The following SRPK2 variants were observed in gnomAD, a reference collection of about 807,000 sequenced individuals.
SRPK2 encodes the protein SFRS protein kinase 2.
In SRPK2, 21 loss-of-function variants were observed where a neutral mutation model predicts 90.8. The observed-to-expected ratio is 0.23, with a 90% CI of 0.16 to 0.33. The LOEUF is 0.33. SRPK2 is among the 10% of genes least tolerant of loss of function. SRPK2 has a pLI of 1.00. For synonymous variants in SRPK2, 288 were observed against 311.1 expected (o/e 0.93, Z 0.78); for missense variants, 620 against 869.0 (o/e 0.71, Z 3.60).
At chr7:105,340,355 T>G (rs1335575985) in intron 2 of SRPK2, among the ~76,000 whole-genome samples, 1 of 151,776 alleles carries the variant, frequency 6.6e-6, no homozygotes, top group East Asian at 1.9e-4. Context: ...GACATATAAA[T>G]TATGGTTATG....
At chr7:105,236,460 T>A (rs1323403665) in intron 2 of SRPK2, among the ~76,000 whole-genome samples, 5 of 152,128 alleles carry the variant, frequency 3.3e-5, no homozygotes, top group Admixed American at 3.3e-4. Context: ...AAATTATCAC[T>A]TACAGGCAGC....
chr7:105,294,660 G>T (rs564232858), intron 2 of SRPK2, among the ~76,000 whole-genome samples: 1 of 152,064 alleles, frequency 6.6e-6, no homozygotes, highest in East Asian at 1.9e-4. Flanking sequence ...CAAGCAGCTG[G>T]GATTATAGAC....
chr7:105,205,325 A>T (rs1048975533), intron 2 of SRPK2, among the ~76,000 whole-genome samples: 4 of 152,218 alleles, frequency 2.6e-5, no homozygotes, highest in African/African-American at 9.7e-5. Context: ...TATCTTTAGC[A>T]GGACAACTAA....
chr7:105,234,594 T>C (rs1246618936), intron 2 of SRPK2, among the ~76,000 whole-genome samples: 1 of 152,198 alleles, frequency 6.6e-6, no homozygotes, highest in African/African-American at 2.4e-5. Flanking sequence ...CCCAATGGTA[T>C]ATAACTAAAT....
At chr7:105,209,761 A>C (rs1374703740) in intron 2 of SRPK2, among the ~76,000 whole-genome samples, 2 of 152,062 alleles carry the variant, frequency 1.3e-5, no homozygotes, top group Non-Finnish European at 2.9e-5. Flanking sequence ...AGGAGAGAAA[A>C]AAGAAAAACA....
chr7:105,156,890 T>C (rs1231759019), intron 7 of SRPK2, among the ~76,000 whole-genome samples: 1 of 152,118 alleles, frequency 6.6e-6, no homozygotes, highest in Non-Finnish European at 1.5e-5. Context: ...TTGGTGAATG[T>C]AGGGTATATT....
chr7:105,211,550 A>AC (rs1796862639), intron 2 of SRPK2, among the ~76,000 whole-genome samples: 1 of 152,108 alleles, frequency 6.6e-6, no homozygotes, highest in South Asian at 2.1e-4. Context: ...TGGGAGCAGT[A>AC]ACAGGAGTGA....
At chr7:105,356,437 ATTT>A (rs751788418) in intron 2 of SRPK2, among the ~76,000 whole-genome samples, 1 of 152,200 alleles carries the variant, frequency 6.6e-6, no homozygotes, top group Non-Finnish European at 1.5e-5. Context: ...AGCTGAAAAA[ATTT>A]TTAAGCCCAG....
intron 2 of SRPK2, among the ~76,000 whole-genome samples, chr7:105,248,661 C>A (rs1338333319): frequency 6.6e-6 from 1 of 151,964 alleles, no homozygotes; most frequent in Non-Finnish European, 1.5e-5. Flanking sequence ...AAAGGTTAGT[C>A]CGGGCGCGAT....
chr7:105,328,686 A>T (rs1813896240), intron 2 of SRPK2, among the ~76,000 whole-genome samples: 1 of 151,674 alleles, frequency 6.6e-6, no homozygotes, highest in Non-Finnish European at 1.5e-5. Context: ...AACACGGTGA[A>T]ACCCCATCTC....
At chr7:105,149,574 T>C (rs1160536230) in intron 7 of SRPK2, among the ~76,000 whole-genome samples, 5 of 152,204 alleles carry the variant, frequency 3.3e-5, no homozygotes, top group Admixed American at 6.5e-5. Context: ...TGTTTCTCTA[T>C]ACTTTGTCTC....
intron 2 of SRPK2, among the ~76,000 whole-genome samples, chr7:105,238,726 T>C (rs1315463817): frequency 6.9e-6 from 1 of 144,574 alleles, no homozygotes; most frequent in East Asian, 1.9e-4. Flanking sequence ...TCATTTTTAT[T>C]AAAATTAAAT....
intron 2 of SRPK2, among the ~76,000 whole-genome samples, chr7:105,358,223 CAAAAAAAAAAAA>C (rs976713048): frequency 3.7e-5 from 2 of 53,648 alleles, no homozygotes; most frequent in Non-Finnish European, 6.5e-5. Context: ...GACTCCGTCT[CAAAAAAAAAAAA>C]AAAAAAAAAA....
upstream of SRPK2, among the ~76,000 whole-genome samples, chr7:105,394,123 GTCTT>G (rs1362520454): frequency 3.0e-4 from 46 of 151,490 alleles, no homozygotes; most frequent in Admixed American, 7.2e-4. Flanking sequence ...TGTGGCCAGA[GTCTT>G]TCTTTCTTTC....
intron 2 of SRPK2, among the ~76,000 whole-genome samples, chr7:105,280,648 TA>T (rs35269383): frequency 1.6e-4 from 5 of 31,406 alleles, no homozygotes; most frequent in East Asian, 1.0e-3. Context: ...AACAAGTCAT[TA>T]AAAAAAAGGG....
chr7:105,175,723 A>G (rs1791754907), intron 3 of SRPK2, among the ~76,000 whole-genome samples: 1 of 152,144 alleles, frequency 6.6e-6, no homozygotes, highest in African/African-American at 2.4e-5. Context: ...AAAAGATAGA[A>G]GGGAATATTA....
At chr7:105,381,586 T>C (rs1280989035) in intron 2 of SRPK2, among the ~76,000 whole-genome samples, 5 of 152,214 alleles carry the variant, frequency 3.3e-5, no homozygotes, top group African/African-American at 1.2e-4. Flanking sequence ...TCTTCTACTT[T>C]AATTATCTTA....
At chr7:105,310,884 T>C (rs764311058) in intron 2 of SRPK2, among the ~76,000 whole-genome samples, 5 of 152,212 alleles carry the variant, frequency 3.3e-5, no homozygotes, top group Non-Finnish European at 7.3e-5. Context: ...AACTAAGTTA[T>C]GTCTCAATTT....
At chr7:105,398,173 T>C in intron 1 of SRPK2, among the ~76,000 whole-genome samples, 1 of 152,132 alleles carries the variant, frequency 6.6e-6, no homozygotes, top group South Asian at 2.1e-4. Flanking sequence ...ACAATGAAAC[T>C]CAAAATGTCC....
Sources: gnomAD v4.1 joint callset for allele counts (sites outside exome capture counted in the v4.1 genomes callset) on GRCh38, gnomAD v4.1.1 for gene constraint, MANE v1.5 for transcripts, NCBI Gene and HGNC (gene_info 2026-07-23, HGNC 2026-07-21) for gene names.